Variants in FBXO34 observed in about 807,000 individuals in gnomAD.
FBXO34 encodes the protein F-box only protein 34.
In FBXO34, 12 loss-of-function variants were observed where a neutral mutation model predicts 24.5. The ratio of observed to expected loss-of-function variants is 0.49; its 90% CI spans 0.31 to 0.79. The LOEUF is 0.79. FBXO34 is among the 30% of genes least tolerant of loss of function. The pLI, the probability that FBXO34 is intolerant of heterozygous loss-of-function variation, is 0.04. For missense variants in FBXO34, 823 were observed against 857.7 expected, an observed-to-expected ratio of 0.96 and a Z score of 0.51; for synonymous variants, 320 against 311.9, an observed-to-expected ratio of 1.03 and a Z score of -0.27.
At chr14:55,287,395 GC>G (rs1342310371) in intron 1 of FBXO34, among the ~76,000 whole-genome samples, 5 of 152,054 alleles carry the variant, frequency 3.3e-5, no homozygotes, top group Non-Finnish European at 7.4e-5. Context: ...ATACTGATAA[GC>G]AGTCATTTTC....
the FBXO34 span, among the ~76,000 whole-genome samples, chr14:55,424,491 T>A: frequency 7.2e-5 from 11 of 152,208 alleles, no homozygotes; most frequent in Admixed American, 7.2e-4. Context: ...TCCTGGATGG[T>A]TATTAGAAAT....
chr14:55,344,494 A>G (rs1884094149), intron 1 of FBXO34, among the ~76,000 whole-genome samples: 1 of 150,054 alleles, frequency 6.7e-6, no homozygotes, highest in East Asian at 1.9e-4. Context: ...CGCCTCCTGG[A>G]TATCTCTGTC....
Position 55,352,390 on chromosome 14 carries a change from G to A in FBXO34, c.2000G>A (p.Cys667Tyr), listed in dbSNP as rs1315375989. The change falls in exon 2 of 2, where the codon TGC (cysteine) becomes TAC (tyrosine). Residue 667 changes from cysteine to tyrosine, a missense_variant. This residue lies in a region of FBXO34 where 130 missense variants were observed against 198.6 expected (regional missense o/e 0.65). Coordinates refer to ENST00000313833, the MANE Select transcript of FBXO34 (RefSeq NM_017943.4). ...CCCTATGGGCCAGGGTATTGGATGT[G>A]CTGCCACCGGTCTCAGAAAGGATTC... ...ALPYGPGYWM[C>Y]CHRSQKGFPG... 1 of 1,614,226 alleles carries A rather than the reference G, an allele frequency of 6.2e-7. No homozygotes were observed. Among genetic ancestry groups the A allele is most frequent in the Non-Finnish European group, 8.5e-7 (1 of 1,180,030 alleles).
chr14:55,299,754 T>A (rs1882282143), intron 1 of FBXO34, among the ~76,000 whole-genome samples: 1 of 152,242 alleles, frequency 6.6e-6, no homozygotes, highest in South Asian at 2.1e-4. Context: ...TTTTTCTTCA[T>A]TTACATACAA....
At chr14:55,296,106 C>T (rs1018948234) in intron 1 of FBXO34, among the ~76,000 whole-genome samples, 1 of 151,948 alleles carries the variant, frequency 6.6e-6, no homozygotes. Context: ...CTTAGCAAGT[C>T]CCCCCCTTTT....
At chr14:55,436,730 T>C in the FBXO34 span, 1 of 1,614,224 alleles carries the variant, frequency 6.2e-7, no homozygotes, top group Non-Finnish European at 8.5e-7. Context: ...CTGCTGCTGT[T>C]TAAGCCCAGC....
the FBXO34 span, among the ~76,000 whole-genome samples, chr14:55,380,855 G>GTATATATATA: frequency 2.5e-5 from 3 of 118,080 alleles, no homozygotes; most frequent in Admixed American, 1.8e-4. Context: ...TTCTTTGTGT[G>GTATATATATA]TATATATATA....
At chr14:55,293,123 T>TCTA (rs1336274500) in intron 1 of FBXO34, among the ~76,000 whole-genome samples, 1 of 150,894 alleles carries the variant, frequency 6.6e-6, no homozygotes, top group East Asian at 2.0e-4. Flanking sequence ...CCTCAGGTGA[T>TCTA]CTACTCGCCT....
Position 55,351,550 on chromosome 14 carries a change from C to G in FBXO34, c.1160C>G (p.Ala387Gly). 1 of 1,614,126 alleles carries G rather than the reference C, an allele frequency of 6.2e-7. No individual in the cohort carries two copies. The highest frequency in any genetic ancestry group is 8.5e-7 in the Non-Finnish European group (1 of 1,180,030). Residue 387 changes from alanine (A) to glycine (G), a missense_variant, in exon 2 of 2, where the codon GCA becomes GGA. Around this residue, in one of 2 missense-constraint regions of FBXO34, gnomAD observed 693 missense variants for 659.1 expected, o/e 1.05. Transcript: ENST00000313833. ...GGAGTGAGTTTCCACATAGACAGTGCAGAGTTAGAGCCGGGTTCGCAAACT... is the reference window on the plus strand; with the variant it reads ...GGAGTGAGTTTCCACATAGACAGTGGAGAGTTAGAGCCGGGTTCGCAAACT... ...PAGVSFHIDS[A>G]ELEPGSQTAV...
chr14:55,402,940 T>A, the FBXO34 span, among the ~76,000 whole-genome samples: 13 of 38,696 alleles, frequency 3.4e-4, no homozygotes, highest in South Asian at 2.5e-3. Flanking sequence ...TATATATATA[T>A]ATATATATAT....
chr14:55,328,914 C>T (rs1285181346), intron 1 of FBXO34, among the ~76,000 whole-genome samples: 2 of 152,074 alleles, frequency 1.3e-5, no homozygotes, highest in Non-Finnish European at 2.9e-5. Context: ...TTTGTATTCC[C>T]ATGGGGCTGG....
chr14:55,338,254 T>G (rs943708805), intron 1 of FBXO34, among the ~76,000 whole-genome samples: 3 of 151,688 alleles, frequency 2.0e-5, no homozygotes, highest in African/African-American at 7.3e-5. Context: ...TTTCACTGTG[T>G]TAGCCAGGAT....
At chr14:55,307,393 G>A (rs1882589288) in intron 1 of FBXO34, among the ~76,000 whole-genome samples, 1 of 152,212 alleles carries the variant, frequency 6.6e-6, no homozygotes, top group Admixed American at 6.5e-5. Context: ...ACAATGTGCG[G>A]GAAGAAGGTG....
At chr14:55,383,181 G>T in the FBXO34 span, among the ~76,000 whole-genome samples, 1 of 152,106 alleles carries the variant, frequency 6.6e-6, no homozygotes, top group Non-Finnish European at 1.5e-5. Flanking sequence ...ATATGCCACA[G>T]CCAGCCCTGT....
downstream of FBXO34, among the ~76,000 whole-genome samples, chr14:55,373,487 T>G (rs1370635000): frequency 6.6e-6 from 1 of 152,176 alleles, no homozygotes; most frequent in East Asian, 1.9e-4. Flanking sequence ...TGAGATGCAG[T>G]CTCACTCCGT....
the FBXO34 span, among the ~76,000 whole-genome samples, chr14:55,387,229 G>A: frequency 2.8e-4 from 43 of 152,130 alleles, no homozygotes; most frequent in African/African-American, 9.9e-4. Flanking sequence ...CCTCCAAATT[G>A]GTACATATCC....
downstream of FBXO34, chr14:55,369,841 G>A (rs375390476): frequency 6.0e-5 from 97 of 1,614,072 alleles, no homozygotes; most frequent in Non-Finnish European, 7.5e-5. Context: ...GCTCATCTCC[G>A]CTCTCATCTG....
intron 1 of FBXO34, chr14:55,272,455 A>G (rs150711363): frequency 5.3e-5 from 8 of 151,492 alleles, no homozygotes; most frequent in African/African-American, 1.9e-4. Flanking sequence ...CTAAATTCGT[A>G]GTTTGATAGT....
chr14:55,410,822 A>C, the FBXO34 span, among the ~76,000 whole-genome samples: 1 of 152,136 alleles, frequency 6.6e-6, no homozygotes, highest in East Asian at 1.9e-4. Flanking sequence ...ACTATCATTG[A>C]CTATCATTGA....
Sources: allele counts gnomAD v4.1 joint callset (sites outside exome capture counted in the v4.1 genomes callset), GRCh38; gene constraint gnomAD v4.1.1; regional missense constraint gnomAD v4.1.1; transcripts MANE v1.5; gene names NCBI Gene and HGNC (gene_info 2026-07-23, HGNC 2026-07-21).